Variants in LANCL2 observed in about 807,000 individuals in gnomAD.
The protein encoded by LANCL2 is LanC like glutathione S-transferase 2.
Under a neutral mutation model 56.9 loss-of-function variants are expected in LANCL2, and 33 were observed. The observed-to-expected ratio is 0.58, with a 90% CI of 0.44 to 0.78. The LOEUF (loss-of-function observed/expected upper bound fraction) is 0.78, where lower values mean the gene tolerates loss of function less well. Among genes scored for constraint, LANCL2 ranks in the 30% least tolerant of loss-of-function variants. The pLI is 0.00. For synonymous variants in LANCL2, 233 were observed against 228.2 expected (o/e 1.02, Z -0.19); for missense variants, 562 against 580.2 (o/e 0.97, Z 0.32).
intron 1 of LANCL2, among the ~76,000 whole-genome samples, chr7:55,369,949 A>T (rs1789924475): frequency 1.3e-5 from 2 of 152,152 alleles, no homozygotes. Flanking sequence ...GCTGTGTAAT[A>T]ATTATCCCAA....
At chr7:55,389,125 T>G (rs1790157976) in intron 1 of LANCL2, among the ~76,000 whole-genome samples, 1 of 152,248 alleles carries the variant, frequency 6.6e-6, no homozygotes, top group African/African-American at 2.4e-5. Flanking sequence ...AATTTGATGT[T>G]TTTCTGCATA....
intron 1 of LANCL2, among the ~76,000 whole-genome samples, chr7:55,374,116 G>A (rs1789975024): frequency 6.6e-6 from 1 of 152,186 alleles, no homozygotes; most frequent in Admixed American, 6.5e-5. Context: ...CTCTTGAACT[G>A]TAATTACATA....
chr7:55,366,345 G>A, intron 1 of LANCL2, 116 bp downstream of exon 1: 3 of 880,780 alleles, frequency 3.4e-6, no homozygotes, highest in Non-Finnish European at 5.0e-6. Flanking sequence ...GGCGCGGGAT[G>A]ATAGCGCCTA....
chr7:55,400,204 T>A, intron 4 of LANCL2, 100 bp downstream of exon 4: 1 of 1,062,846 alleles, frequency 9.4e-7, no homozygotes, highest in Non-Finnish European at 1.3e-6. Flanking sequence ...TAGGTAGCAT[T>A]ACTTTTTTAA....
intron 3 of LANCL2, 40 bp downstream of exon 3, chr7:55,398,670 G>A: frequency 6.9e-7 from 1 of 1,457,876 alleles, no homozygotes; most frequent in South Asian, 1.1e-5. Context: ...CCAATTCCCA[G>A]TGGAAGCTCT....
At chr7:55,384,590 T>C (rs1316431945) in intron 1 of LANCL2, among the ~76,000 whole-genome samples, 2 of 151,770 alleles carry the variant, frequency 1.3e-5, no homozygotes, top group Admixed American at 6.6e-5. Context: ...AATTTATAGA[T>C]GCAGAATGCC....
chr7:55,399,558 G>C (rs895041763), intron 3 of LANCL2, among the ~76,000 whole-genome samples: 2 of 152,114 alleles, frequency 1.3e-5, no homozygotes, highest in Non-Finnish European at 2.9e-5. Context: ...GGTCAGGCTG[G>C]TCTTGAACTC....
chr7:55,413,075 A>T (rs1242132777), intron 6 of LANCL2, among the ~76,000 whole-genome samples: 1 of 152,256 alleles, frequency 6.6e-6, no homozygotes, highest in Non-Finnish European at 1.5e-5. Flanking sequence ...ATAAGATATG[A>T]TCATTCAAGA....
intron 1 of LANCL2, among the ~76,000 whole-genome samples, chr7:55,384,324 CG>C (rs1790101277): frequency 6.6e-6 from 1 of 152,062 alleles, no homozygotes; most frequent in African/African-American, 2.4e-5. Context: ...GAGGCCGAGG[CG>C]GGTGGATCAC....
At chr7:55,399,925 C>A (rs1436269457) in intron 3 of LANCL2, 32 bp from the exon 4 acceptor site, 1 of 1,586,204 alleles carries the variant, frequency 6.3e-7, no homozygotes, top group East Asian at 2.2e-5. Flanking sequence ...TAGACTTCCA[C>A]TGGGAAAAAA....
chr7:55,390,587 C>T (rs565975024), intron 1 of LANCL2, among the ~76,000 whole-genome samples: 18 of 152,152 alleles, frequency 1.2e-4, no homozygotes, highest in African/African-American at 4.3e-4. Context: ...GCCTGGGTGA[C>T]GAGCGAAACT....
chr7:55,378,006 G>A (rs919159875), intron 1 of LANCL2, among the ~76,000 whole-genome samples: 3 of 152,230 alleles, frequency 2.0e-5, no homozygotes, highest in Non-Finnish European at 2.9e-5. Context: ...AGACAGTCTA[G>A]TCAGAGTTTC....
chr7:55,367,019 G>C (rs768008838), intron 1 of LANCL2, among the ~76,000 whole-genome samples: 8 of 152,052 alleles, frequency 5.3e-5, no homozygotes, highest in Non-Finnish European at 1.2e-4. Context: ...TGTTTTACAG[G>C]AGTTTTCTCT....
intron 5 of LANCL2, among the ~76,000 whole-genome samples, chr7:55,404,858 C>T (rs996102368): frequency 1.3e-5 from 2 of 152,132 alleles, no homozygotes; most frequent in African/African-American, 4.8e-5. Flanking sequence ...TGGTGATCCA[C>T]CCACCTCAGC....
At chr7:55,381,468 TAA>T (rs1366079857) in intron 1 of LANCL2, among the ~76,000 whole-genome samples, 1 of 152,176 alleles carries the variant, frequency 6.6e-6, no homozygotes, top group African/African-American at 2.4e-5. Context: ...GAAGCTTAGC[TAA>T]AGACGAAAGA....
rs553044377 is a variant in LANCL2, at chr7:55,426,004, C to T, written c.1185+574C>T. Among the ~76,000 whole-genome samples the T allele has an allele frequency of 7.9e-5, 12 of 152,284 alleles. No individual in the cohort carries two copies. The East Asian group carries it at 2.3e-3, about 29-fold the overall frequency. ...ACAGCCATGTTGCCCTCTCTAAGAA[C>T]GGAGTGTGTCACTCTTGTTTCCGCT... On this transcript the variant is annotated intron_variant, in intron 7 of 8. Coordinates refer to ENST00000254770, the MANE Select transcript of LANCL2 (RefSeq NM_018697.4).
chr7:55,394,736 AC>A (rs1265168547), intron 2 of LANCL2, among the ~76,000 whole-genome samples: 2 of 148,974 alleles, frequency 1.3e-5, no homozygotes, highest in Non-Finnish European at 3.0e-5. Context: ...AATCACTCCG[AC>A]CCCACCCACC....
intron 1 of LANCL2, among the ~76,000 whole-genome samples, chr7:55,378,133 TAGTAAGTGCTC>T (rs1334984433): frequency 1.6e-4 from 24 of 152,222 alleles, no homozygotes; most frequent in Non-Finnish European, 4.4e-5. Context: ...GCCAGGTACA[TAGTAAGTGCTC>T]AGTAATTGTT....
rs34481346 is a variant in LANCL2 at position 55,403,569 on chromosome 7, GTTTTTTTTTTT to G, written c.825+2259_825+2269del. On this transcript the variant is annotated intron_variant, in intron 5 of 8. Coordinates refer to ENST00000254770, the MANE Select transcript of LANCL2 (RefSeq NM_018697.4). ...TCTGGGTTTTTTTTGTTTGTTTGTT[GTTTTTTTTTTT>G]TTTTTTTTTGAGACAGAGTCTCACT... Among the ~76,000 whole-genome samples the G allele has an allele frequency of 5.0e-5, 5 of 99,506 alleles. No homozygotes were observed. The South Asian group carries it at 1.8e-3, about 36-fold the overall frequency. 65.3% of individuals were successfully genotyped at this position (99,506 alleles called of 152,430 possible).
Sources: allele counts gnomAD v4.1 joint callset (sites outside exome capture counted in the v4.1 genomes callset), GRCh38; gene constraint gnomAD v4.1.1; transcripts MANE v1.5; gene names NCBI Gene and HGNC (gene_info 2026-07-23, HGNC 2026-07-21).